The following PDE8A variants were observed in gnomAD, a reference collection of about 807,000 sequenced individuals.
PDE8A encodes the protein phosphodiesterase 8A.
PDE8A carries 59 observed loss-of-function variants against 105.0 expected under a neutral mutation model. The ratio of observed to expected loss-of-function variants is 0.56; its 90% CI spans 0.46 to 0.70. The LOEUF is 0.70. PDE8A is among the 30% of genes least tolerant of loss of function. The probability of loss-of-function intolerance (pLI) is 0.00; values close to 1 mark genes in which losing one functional copy is unlikely to be tolerated. For missense variants in PDE8A, 1,014 were observed against 1,045.9 expected, an observed-to-expected ratio of 0.97 and a Z score of 0.42; for synonymous variants, 355 against 371.9, an observed-to-expected ratio of 0.95 and a Z score of 0.52.
chr15:85,136,020 G>A (rs2082403606), intron 20 of PDE8A, among the ~76,000 whole-genome samples: 1 of 152,168 alleles, frequency 6.6e-6, no homozygotes, highest in Non-Finnish European at 1.5e-5. Flanking sequence ...GACTGTGATA[G>A]GAGTGAGAAA....
At chr15:84,997,938 A>G (rs1211335620) in intron 1 of PDE8A, among the ~76,000 whole-genome samples, 2 of 152,212 alleles carry the variant, frequency 1.3e-5, no homozygotes, top group Non-Finnish European at 2.9e-5. Flanking sequence ...GTACAATTTT[A>G]TAAGGCTTTG....
chr15:85,046,835 G>A (rs1479147665), intron 1 of PDE8A, among the ~76,000 whole-genome samples: 1 of 152,134 alleles, frequency 6.6e-6, no homozygotes, highest in Non-Finnish European at 1.5e-5. Flanking sequence ...ACATCTAAAT[G>A]ATGTTAGATC....
chr15:85,048,984 C>A (rs1186874738), intron 1 of PDE8A, among the ~76,000 whole-genome samples: 1 of 152,130 alleles, frequency 6.6e-6, no homozygotes, highest in Non-Finnish European at 1.5e-5. Flanking sequence ...TGCCTGTAGT[C>A]CTGGCTACTC....
At chr15:85,043,606 A>G (rs929286477) in intron 1 of PDE8A, among the ~76,000 whole-genome samples, 6 of 152,238 alleles carry the variant, frequency 3.9e-5, no homozygotes, top group African/African-American at 1.4e-4. Flanking sequence ...CCCTGTATTT[A>G]ATACGTTAAT....
At chr15:85,067,686 A>G (rs1362702575) in intron 3 of PDE8A, among the ~76,000 whole-genome samples, 4 of 152,228 alleles carry the variant, frequency 2.6e-5, no homozygotes, top group South Asian at 2.1e-4. Flanking sequence ...CAAGGCAAAT[A>G]TAAAATTTTA....
intron 8 of PDE8A, among the ~76,000 whole-genome samples, chr15:85,091,942 G>A (rs2081650979): frequency 1.4e-5 from 2 of 144,274 alleles, no homozygotes; most frequent in Non-Finnish European, 3.0e-5. Context: ...GTTGGGTAGA[G>A]ACTATTAATC....
chr15:85,054,366 A>G (rs1048303067), intron 1 of PDE8A, among the ~76,000 whole-genome samples: 21 of 152,082 alleles, frequency 1.4e-4, no homozygotes, highest in Admixed American at 5.2e-4. Context: ...CTCTTTTTCT[A>G]TTGATCGGAA....
chr15:85,099,332 A>T (rs116786950), intron 9 of PDE8A, among the ~76,000 whole-genome samples: 3,809 of 152,364 alleles, frequency 0.025, 167 homozygotes, highest in African/African-American at 0.086. Context: ...CACTGACTGC[A>T]CAGCTCACGT....
intron 6 of PDE8A, among the ~76,000 whole-genome samples, chr15:85,086,278 C>T (rs1175293043): frequency 2.0e-5 from 3 of 152,106 alleles, no homozygotes; most frequent in Non-Finnish European, 2.9e-5. Context: ...TCATTATAAA[C>T]TAACACTTAT....
intron 5 of PDE8A, among the ~76,000 whole-genome samples, chr15:85,077,870 A>G (rs552981446): frequency 5.3e-5 from 8 of 152,124 alleles, no homozygotes; most frequent in East Asian, 3.9e-4. Flanking sequence ...TAATTGAACA[A>G]TTTAAAACTT....
intron 3 of PDE8A, among the ~76,000 whole-genome samples, chr15:85,069,638 G>T (rs1596487783): frequency 6.6e-6 from 1 of 152,098 alleles, no homozygotes; most frequent in Non-Finnish European, 1.5e-5. Context: ...TGTAAGCATG[G>T]CTCCAGAACC....
At chr15:85,081,698 G>A (rs997006547) in intron 5 of PDE8A, among the ~76,000 whole-genome samples, 1 of 152,136 alleles carries the variant, frequency 6.6e-6, no homozygotes, top group African/African-American at 2.4e-5. Flanking sequence ...TTGGCAAGGG[G>A]CAGGAAAGAT....
At position 85,118,434 on chromosome 15, in the gene PDE8A, G is replaced by GC. The variant is rs565274745; in HGVS notation, c.1734+601dup. Among the ~76,000 whole-genome samples the GC allele has an allele frequency of 9.6e-4, 146 of 152,120 alleles. 1 individual carries two copies. The highest frequency in any genetic ancestry group is 3.4e-3 in the African/African-American group (141 of 41,480). The stretch of plus-strand genomic sequence containing the variant: ...CATCTCCTGCTGCTGTCCCAGTGAG[G>GC]CCCCCCGCAATCCTTTCGCATCTGG... On this transcript the variant is annotated intron_variant, in intron 17 of 21. Coordinates refer to ENST00000394553, the MANE Select transcript of PDE8A (RefSeq NM_002605.3).
intron 3 of PDE8A, among the ~76,000 whole-genome samples, chr15:85,074,161 C>CAAGTTGT (rs2081350437): frequency 6.6e-6 from 1 of 152,198 alleles, no homozygotes; most frequent in African/African-American, 2.4e-5. Flanking sequence ...TACCCCTGGC[C>CAAGTTGT]TATTCTGCAT....
At chr15:85,098,071 C>A in intron 9 of PDE8A, 35 bp downstream of exon 9, 1 of 1,228,760 alleles carries the variant, frequency 8.1e-7, no homozygotes, top group Non-Finnish European at 1.2e-6. Flanking sequence ...AATCAACATA[C>A]AGTGTTTTGG....
chr15:85,134,071 C>T (rs1310818135), intron 20 of PDE8A, among the ~76,000 whole-genome samples: 4 of 152,218 alleles, frequency 2.6e-5, no homozygotes, highest in Non-Finnish European at 5.9e-5. Context: ...GCATGGGCCA[C>T]AGTTTGCTGG....
At chr15:85,023,042 C>A (rs289405) in intron 1 of PDE8A, among the ~76,000 whole-genome samples, 1 of 152,060 alleles carries the variant, frequency 6.6e-6, no homozygotes, top group East Asian at 1.9e-4. Flanking sequence ...GGCAAGAGAA[C>A]GGACACTCAG....
intron 1 of PDE8A, among the ~76,000 whole-genome samples, chr15:84,984,580 C>G (rs941935969): frequency 2.6e-5 from 4 of 152,176 alleles, no homozygotes; most frequent in Admixed American, 1.3e-4. Context: ...TATAGTCCTA[C>G]AGCATTTAGT....
intron 18 of PDE8A, among the ~76,000 whole-genome samples, chr15:85,122,774 A>G (rs1430330997): frequency 6.6e-6 from 1 of 152,202 alleles, no homozygotes; most frequent in East Asian, 1.9e-4. Context: ...CATGTGGGGT[A>G]TATTCTTTCT....
Sources: allele counts gnomAD v4.1 joint callset (sites outside exome capture counted in the v4.1 genomes callset), GRCh38; gene constraint gnomAD v4.1.1; transcripts MANE v1.5; gene names NCBI Gene and HGNC (gene_info 2026-07-23, HGNC 2026-07-21).